ERCC3: variants seen among roughly 807,000 people sequenced by gnomAD.
The protein encoded by ERCC3 is ERCC excision repair 3, TFIIH core complex helicase subunit.
ERCC3 carries 66 observed loss-of-function variants against 94.2 expected under a neutral mutation model. The observed-to-expected ratio is 0.70, with a 90% CI of 0.57 to 0.86. The LOEUF is 0.86. Ranked by LOEUF, ERCC3 falls within the 40% of genes least tolerant of loss-of-function variation. ERCC3 has a pLI of 0.00. For synonymous variants in ERCC3, 349 were observed against 369.1 expected, an observed-to-expected ratio of 0.95 and a Z score of 0.63; for missense variants, 829 against 987.1, an observed-to-expected ratio of 0.84 and a Z score of 2.15.
chr2:127,280,644 T>C lies in ERCC3; in HGVS notation c.1343-13A>G, dbSNP rs1349036019. 3 of 1,611,468 alleles carry C rather than the reference T, an allele frequency of 1.9e-6. No individual in the cohort carries two copies. Among genetic ancestry groups the C allele is most frequent in the East Asian group, 4.5e-5 (2 of 44,878 alleles). ...CGGAACATCTTGGCTGAGGAAACAA[T>C]GGGAGCATTCACACTGTCACTTTTC... On this transcript the variant is annotated splice_polypyrimidine_tract_variant and intron_variant, in intron 8 of 14. Coordinates refer to ENST00000285398, the MANE Select transcript of ERCC3 (RefSeq NM_000122.2). The surrounding 1 kb of genome is among the most constrained non-coding windows in gnomAD (Gnocchi z 6.3).
At chr2:127,292,578 A>G (rs751238074) in intron 3 of ERCC3, 32 bp downstream of exon 3, 1 of 1,335,598 alleles carries the variant, frequency 7.5e-7, no homozygotes. Flanking sequence ...TTAGCAGGGC[A>G]GGTGGAATTG....
intron 12 of ERCC3, among the ~76,000 whole-genome samples, chr2:127,267,094 A>G (rs1684399375): frequency 6.6e-6 from 1 of 152,342 alleles, no homozygotes; most frequent in Admixed American, 6.5e-5. Flanking sequence ...AGAATTATGT[A>G]GATGCCTATT....
Position 127,294,065 on chromosome 2 carries a change from C to G in ERCC3, c.17G>C (p.Arg6Pro), listed in dbSNP as rs893323064. 1.2e-6 allele frequency: 2 copies of G among 1,607,950 alleles called. No homozygotes were observed. The highest frequency in any genetic ancestry group is 1.7e-5 in the Admixed American group (1 of 59,952). ...GCGCAACGTCTCACCGCGGTCCGCTCGGTCTCTTTTGCCCATGGCAGCTAC... is the reference window on the plus strand; with the variant it reads ...GCGCAACGTCTCACCGCGGTCCGCTGGGTCTCTTTTGCCCATGGCAGCTAC... MGKRD[R>P]ADRDKKKSRK... Residue 6 changes from arginine to proline, a missense_variant, in exon 1 of 15, where the codon CGA becomes CCA. Transcript: ENST00000285398.
chr2:127,281,696 ACT>A (rs1684918004), intron 8 of ERCC3, among the ~76,000 whole-genome samples: 1 of 152,114 alleles, frequency 6.6e-6, no homozygotes, highest in Non-Finnish European at 1.5e-5. Context: ...GGGTTGCCTA[ACT>A]CTAAGTAAAT....
At position 127,258,162 on chromosome 2, in the gene ERCC3, G is replaced by A. The variant is rs530749520; in HGVS notation, c.2218-435C>T. ...TGACCATGCTGGTCTCAAACTCCTG[G>A]ACTCAACTGATCCTCCCGCCTAGGC... On this transcript the variant is annotated intron_variant, in intron 14 of 14. Transcript: ENST00000285398. This position sits in a 1 kb window ranked among gnomAD's most constrained non-coding sequence, Gnocchi z 4.1. Among the ~76,000 whole-genome samples the A allele has an allele frequency of 1.2e-3, 176 of 152,102 alleles. No individual in the cohort carries two copies. The highest frequency in any genetic ancestry group is 2.0e-3 in the Non-Finnish European group (139 of 68,000).
intron 12 of ERCC3, among the ~76,000 whole-genome samples, chr2:127,269,674 G>T (rs894347541): frequency 6.6e-6 from 1 of 151,012 alleles, no homozygotes; most frequent in Non-Finnish European, 1.5e-5. Context: ...GCCTGCCTGG[G>T]CCTCCCAAAG....
At chr2:127,285,105 T>C (rs781521210) in intron 8 of ERCC3, among the ~76,000 whole-genome samples, 2 of 152,122 alleles carry the variant, frequency 1.3e-5, no homozygotes, top group Non-Finnish European at 2.9e-5. Context: ...GATGAATCAT[T>C]ATGGGAAGTG....
Position 127,265,762 on chromosome 2 carries a change from T to C in ERCC3, c.1946-4416A>G, listed in dbSNP as rs143228162. ...CCAGCTTTTTATTTCATTGATCCTT[T>C]GTATTGTTTTTGAGTCTGAATTTCA... On this transcript the variant is annotated intron_variant, in intron 12 of 14. Transcript: ENST00000285398. Among the ~76,000 whole-genome samples the C allele has an allele frequency of 4.6e-5, 7 of 152,320 alleles. No individual in the cohort carries two copies. In the East Asian group the frequency reaches 1.3e-3, roughly 29 times the overall value.
rs145826997 is a variant in ERCC3, at chr2:127,285,754, G to C, written c.1342+949C>G. On this transcript the variant is annotated intron_variant, in intron 8 of 14. Coordinates refer to ENST00000285398, the MANE Select transcript of ERCC3 (RefSeq NM_000122.2). ...TAGTCCCAGCTACTTGGGAGGCTGA[G>C]GCAGGGGAATCAGTTGAACCCTAGA... Among the ~76,000 whole-genome samples the C allele has an allele frequency of 8.6e-3, 1,311 of 152,112 alleles. 18 individuals are homozygous for C. The highest frequency in any genetic ancestry group is 0.03 in the African/African-American group (1,251 of 41,454).
Position 127,259,646 on chromosome 2 carries a change from ATC to A in ERCC3, c.2065-200_2065-199del. On this transcript the variant is annotated intron_variant, in intron 13 of 14. Transcript: ENST00000285398. This position sits in a 1 kb window ranked among gnomAD's most constrained non-coding sequence, Gnocchi z 4.9. ...CCTTTAACAGGGAGCTTGACTAATG[ATC>A]TCAAGACCAGAGGGATGCAGGAATT... The A allele has an allele frequency of 1.5e-6, 1 of 648,264 alleles. No individual in the cohort carries two copies. Among genetic ancestry groups the A allele is most frequent in the Non-Finnish European group, 2.8e-6 (1 of 363,486 alleles). 40.2% of individuals were successfully genotyped at this position (648,264 alleles called of 1,614,324 possible). A position where few individuals can be genotyped will look rare whatever the true frequency, so the allele number is the denominator to read the frequency against.
In ERCC3 at chr2:127,279,429, T is replaced by G. The variant is rs1291721297; in HGVS notation, c.1528-54A>C. On this transcript the variant is annotated intron_variant, in intron 9 of 14. Coordinates refer to ENST00000285398, the MANE Select transcript of ERCC3 (RefSeq NM_000122.2). The surrounding 1 kb of genome is among the most constrained non-coding windows in gnomAD (Gnocchi z 4.7). ...TTTACAAGTTTAAACACCACACAATTTAAAACTTTTGAAGACCTTTCTCTA... is the reference window on the plus strand; with the variant it reads ...TTTACAAGTTTAAACACCACACAATGTAAAACTTTTGAAGACCTTTCTCTA... The G allele has an allele frequency of 4.3e-6, 6 of 1,393,736 alleles. No homozygotes were observed. Among genetic ancestry groups the G allele is most frequent in the African/African-American group, 4.3e-5 (3 of 70,398 alleles). The allele number at this position is 1,393,736 out of a possible 1,614,324, so 86.3% of individuals were successfully genotyped here. A position where few individuals can be genotyped will look rare whatever the true frequency, so the allele number is the denominator to read the frequency against.
chr2:127,287,478 C>G (rs547113486), intron 7 of ERCC3, among the ~76,000 whole-genome samples: 1 of 152,014 alleles, frequency 6.6e-6, no homozygotes, highest in South Asian at 2.1e-4. Flanking sequence ...ACTAAAAATA[C>G]AAAAAATTAG....
Position 127,264,318 on chromosome 2 carries a change from T to C in ERCC3, c.1946-2972A>G, listed in dbSNP as rs6734775. On this transcript the variant is annotated intron_variant, in intron 12 of 14. Transcript: ENST00000285398. This position sits in a 1 kb window ranked among gnomAD's most constrained non-coding sequence, Gnocchi z 4.4. The stretch of plus-strand genomic sequence containing the variant: ...GTCTCTACTAAAAATACAAAAAAAT[T>C]AGCTGGGCATGGTGGTGCGTGCCTG... 0.015 allele frequency among the ~76,000 whole-genome samples: 2,321 copies of C among 152,126 alleles called. 63 individuals are homozygous for C. The highest frequency in any genetic ancestry group is 0.053 in the African/African-American group (2,213 of 41,496).
Position 127,261,262 on chromosome 2 carries a change from TGCCGCTTGGTTGAGTAA to T in ERCC3, c.2013_2029del (p.Tyr672GlufsTer9). 6.2e-7 allele frequency: 1 copy of T among 1,612,570 alleles called. No individual in the cohort carries two copies. The highest frequency in any genetic ancestry group is 8.5e-7 in the Non-Finnish European group (1 of 1,178,502). On this transcript the variant is annotated frameshift_variant, in exon 13 of 15. Transcript: ENST00000285398. LOFTEE classifies it high-confidence loss of function. ...ATAACCTTGATCTACCAAGAATCTCTGCCGCTTGGTTGAGTAAGCCATTTCCTGTGTGTCCTGGGATA... is the reference window on the plus strand; with the variant it reads ...ATAACCTTGATCTACCAAGAATCTCTGCCATTTCCTGTGTGTCCTGGGATA...
In ERCC3 at chr2:127,284,704, CAG is replaced by C. The variant is rs1333276077; in HGVS notation, c.1342+1997_1342+1998del. On this transcript the variant is annotated intron_variant, in intron 8 of 14. Coordinates refer to ENST00000285398, the MANE Select transcript of ERCC3 (RefSeq NM_000122.2). This position sits in a 1 kb window ranked among gnomAD's most constrained non-coding sequence, Gnocchi z 4.1. ...TCATCTTTATTTTTTTTTTTTGAGA[CAG>C]AGTCTCACACTCTGTCACCCATGCT... Among the ~76,000 whole-genome samples, 6 of 149,318 alleles carry C rather than the reference CAG, an allele frequency of 4.0e-5. No individual in the cohort carries two copies. The East Asian group carries it at 9.8e-4, about 24-fold the overall frequency.
chr2:127,263,077 T>G (rs181185718), intron 12 of ERCC3, among the ~76,000 whole-genome samples: 21 of 152,364 alleles, frequency 1.4e-4, no homozygotes, highest in Admixed American at 9.1e-4. Flanking sequence ...TAGCATAGTT[T>G]GAAGTTGGAT....
intron 10 of ERCC3, among the ~76,000 whole-genome samples, chr2:127,278,575 G>A (rs7573489): frequency 0.016 from 2,452 of 152,264 alleles, 71 homozygotes; most frequent in African/African-American, 0.056. Context: ...TCCATAGAGG[G>A]CCTGGCCTTC....
At position 127,293,560 on chromosome 2, in the gene ERCC3, G is replaced by T. The variant is rs764770312; in HGVS notation, c.187C>A (p.Leu63Met). Residue 63 changes from leucine (L) to methionine (M), a missense_variant, in exon 2 of 15, where the codon CTG becomes ATG. Leu to Met is a conservative substitution (Grantham distance 15). Coordinates refer to ENST00000285398, the MANE Select transcript of ERCC3 (RefSeq NM_000122.2). ...VDEYGAKDYRLQMPLKDDHTS... is the reference protein window; with the variant it reads ...VDEYGAKDYRMQMPLKDDHTS... Reference sequence around the variant, plus strand: ...TGGTCGTCCTTCAGCGGCATTTGCAGCCTGTAGTCCTTGGCTCCATATTCA... The same window carrying T: ...TGGTCGTCCTTCAGCGGCATTTGCATCCTGTAGTCCTTGGCTCCATATTCA... The T allele has an allele frequency of 1.2e-6, 2 of 1,614,226 alleles. No homozygotes were observed. The highest frequency in any genetic ancestry group is 2.2e-5 in the South Asian group (2 of 91,084).
At position 127,263,138 on chromosome 2, in the gene ERCC3, T is replaced by C. The variant is rs186431790; in HGVS notation, c.1946-1792A>G. On this transcript the variant is annotated intron_variant, in intron 12 of 14. Transcript: ENST00000285398. ...TTTTGCTTAGGATTGCTTTGGCTAT[T>C]CAGGTGCTTTTGTGGTTCCAGATGA... is the stretch of plus-strand genomic sequence containing the variant. 1.2e-4 allele frequency among the ~76,000 whole-genome samples: 18 copies of C among 152,358 alleles called. No homozygotes were observed. The East Asian group carries it at 3.5e-3, about 29-fold the overall frequency.
Sources: allele counts gnomAD v4.1 joint callset (sites outside exome capture counted in the v4.1 genomes callset), GRCh38; gene constraint gnomAD v4.1.1; non-coding constraint Gnocchi (gnomAD v3.1); transcripts MANE v1.5; gene names NCBI Gene and HGNC (gene_info 2026-07-23, HGNC 2026-07-21).